DNM3: variants seen among roughly 807,000 people sequenced by gnomAD.
DNM3 encodes the protein dynamin 3, also known as dynamin-3.
DNM3 carries 47 observed loss-of-function variants against 101.6 expected under a neutral mutation model. That is an observed-to-expected ratio of 0.46 (90% confidence interval 0.37 to 0.59). The LOEUF (loss-of-function observed/expected upper bound fraction) is 0.59, where lower values mean the gene tolerates loss of function less well. Ranked by LOEUF, DNM3 falls within the 20% of genes least tolerant of loss-of-function variation. The pLI, the probability that DNM3 is intolerant of heterozygous loss-of-function variation, is 0.00. For synonymous variants in DNM3, 385 were observed against 387.9 expected (o/e 0.99, Z 0.09); for missense variants, 849 against 1,085.7 (o/e 0.78, Z 3.06).
At chr1:172,007,569 ATAGTT>A (rs562280400) in intron 4 of DNM3, among the ~76,000 whole-genome samples, 127 of 152,204 alleles carry the variant, frequency 8.3e-4, no homozygotes, top group African/African-American at 2.9e-3. Context: ...TTTCTCATCT[ATAGTT>A]TATTTTCTCA....
At chr1:171,926,948 A>G (rs1414013047) in intron 2 of DNM3, among the ~76,000 whole-genome samples, 1 of 152,218 alleles carries the variant, frequency 6.6e-6, no homozygotes, top group Non-Finnish European at 1.5e-5. Context: ...ATCATACTTA[A>G]TGGTGACAGA....
chr1:171,862,200 A>T (rs781750402), intron 1 of DNM3, among the ~76,000 whole-genome samples: 2 of 152,178 alleles, frequency 1.3e-5, no homozygotes, highest in Non-Finnish European at 2.9e-5. Context: ...CATAGTTATC[A>T]TAATGTTATA....
At chr1:172,051,986 C>T (rs1246909230) in intron 10 of DNM3, among the ~76,000 whole-genome samples, 1 of 152,116 alleles carries the variant, frequency 6.6e-6, no homozygotes, top group Non-Finnish European at 1.5e-5. Context: ...TCTTCTTAGT[C>T]CAATTTCAAC....
At chr1:171,936,017 GTT>G (rs199537413) in intron 2 of DNM3, among the ~76,000 whole-genome samples, 3 of 142,380 alleles carry the variant, frequency 2.1e-5, no homozygotes, top group Admixed American at 7.1e-5. Context: ...TGAAGAAGGT[GTT>G]TTTTTTTTTT....
In DNM3 at chr1:172,165,426, C is replaced by T. The variant is rs1046581082; in HGVS notation, c.1659+34138C>T. Among the ~76,000 whole-genome samples the T allele has an allele frequency of 6.6e-5, 10 of 152,016 alleles. No homozygotes were observed. In the East Asian group the frequency reaches 1.9e-3, roughly 29 times the overall value. On this transcript the variant is annotated intron_variant, in intron 14 of 20. Coordinates refer to ENST00000627582, the MANE Select transcript of DNM3 (RefSeq NM_015569.5). ...ATACAGCTTTTATGATACCACACTGCTCAAAAACTCTTAGTGACTTCTTAT... is the reference window on the plus strand; with the variant it reads ...ATACAGCTTTTATGATACCACACTGTTCAAAAACTCTTAGTGACTTCTTAT...
chr1:172,099,580 A>G (rs2054491238), intron 13 of DNM3, among the ~76,000 whole-genome samples: 2 of 152,086 alleles, frequency 1.3e-5, no homozygotes, highest in South Asian at 4.1e-4. Context: ...AAAAAAAAAA[A>G]GACAAAAAAA....
At chr1:172,005,588 C>T (rs988663086) in intron 4 of DNM3, among the ~76,000 whole-genome samples, 23 of 152,012 alleles carry the variant, frequency 1.5e-4, no homozygotes, top group Admixed American at 1.4e-3. Context: ...TGCACAAAGC[C>T]AGAGCCACCC....
chr1:171,880,555 G>A (rs9425816), intron 1 of DNM3, among the ~76,000 whole-genome samples: 64,838 of 152,030 alleles, frequency 0.43, 13,962 homozygotes, highest in African/African-American at 0.44. Context: ...AAGAGTCTAT[G>A]AAGGTTAAAT....
chr1:172,314,856 T>C (rs968817534), intron 16 of DNM3, among the ~76,000 whole-genome samples: 47 of 152,290 alleles, frequency 3.1e-4, no homozygotes, highest in African/African-American at 1.1e-3. Context: ...CAGACTTAAA[T>C]GTCCCTGTCT....
intron 1 of DNM3, among the ~76,000 whole-genome samples, chr1:171,867,341 C>T (rs529295637): frequency 7.9e-5 from 12 of 152,322 alleles, no homozygotes; most frequent in African/African-American, 2.6e-4. Context: ...TCTGTGATTG[C>T]TTTATTTCAC....
intron 14 of DNM3, among the ~76,000 whole-genome samples, chr1:172,134,915 G>A (rs2057133360): frequency 6.6e-6 from 1 of 152,158 alleles, no homozygotes; most frequent in Non-Finnish European, 1.5e-5. Context: ...CTCTAAAGAT[G>A]AGGATTTTGA....
chr1:172,016,908 G>T (rs2047489751), intron 4 of DNM3, among the ~76,000 whole-genome samples: 1 of 151,974 alleles, frequency 6.6e-6, no homozygotes, highest in South Asian at 2.1e-4. Flanking sequence ...CACCCAGGCT[G>T]GAGTGCAGTG....
chr1:172,127,144 G>T (rs1216519636), intron 13 of DNM3, among the ~76,000 whole-genome samples: 1 of 151,882 alleles, frequency 6.6e-6, no homozygotes, highest in African/African-American at 2.4e-5. Context: ...CACTCTCCCA[G>T]ATAATTTTGT....
At chr1:171,845,935 T>G (rs2032015681) in intron 1 of DNM3, among the ~76,000 whole-genome samples, 1 of 152,194 alleles carries the variant, frequency 6.6e-6, no homozygotes, top group African/African-American at 2.4e-5. Flanking sequence ...AAATAGACTC[T>G]CAATTCTGCA....
rs1347905740 is a variant in DNM3, at chr1:172,093,550, A to G, written c.1545+675A>G. Reference sequence around the variant, plus strand: ...AATGATGGTGTTATAGTTTTTAAAAAACTTTCAGAGGTACAATTATTGAAC... The same window carrying G: ...AATGATGGTGTTATAGTTTTTAAAAGACTTTCAGAGGTACAATTATTGAAC... On this transcript the variant is annotated intron_variant, in intron 13 of 20. Transcript: ENST00000627582. 8.3e-6 allele frequency: 5 copies of G among 603,718 alleles called. No homozygotes were observed. The South Asian group carries it at 1.0e-4, about 12-fold the overall frequency. The allele number at this position is 603,718 out of a possible 1,614,324, so 37.4% of individuals were successfully genotyped here. A position where few individuals can be genotyped will look rare whatever the true frequency, so the allele number is the denominator to read the frequency against.
intron 15 of DNM3, among the ~76,000 whole-genome samples, chr1:172,306,344 G>C (rs1396005854): frequency 1.3e-5 from 2 of 152,088 alleles, no homozygotes; most frequent in Non-Finnish European, 2.9e-5. Flanking sequence ...CCTCTTCAAG[G>C]AGAACTACAA....
chr1:172,012,293 G>C (rs1263558736), intron 4 of DNM3, among the ~76,000 whole-genome samples: 1 of 152,008 alleles, frequency 6.6e-6, no homozygotes, highest in Non-Finnish European at 1.5e-5. Flanking sequence ...AGGCAAAGCA[G>C]CATGCAGGAG....
intron 2 of DNM3, among the ~76,000 whole-genome samples, chr1:171,980,070 T>G (rs1378349540): frequency 2.6e-5 from 4 of 152,132 alleles, no homozygotes; most frequent in Admixed American, 1.3e-4. Flanking sequence ...CACCCTATTG[T>G]TCTTAACTCT....
chr1:172,124,195 A>G (rs1036298451), intron 13 of DNM3, among the ~76,000 whole-genome samples: 3 of 152,332 alleles, frequency 2.0e-5, no homozygotes, highest in African/African-American at 2.4e-5. Context: ...CCCCTCCTCA[A>G]TGTGAATATG....
Sources: gnomAD v4.1 joint callset for allele counts (sites outside exome capture counted in the v4.1 genomes callset) on GRCh38, gnomAD v4.1.1 for gene constraint, MANE v1.5 for transcripts, NCBI Gene and HGNC (gene_info 2026-07-23, HGNC 2026-07-21) for gene names.